ARMH4: variants seen among roughly 807,000 people sequenced by gnomAD.
The protein encoded by ARMH4 is armadillo-like helical domain-containing protein 4.
A neutral mutation model predicts 61.9 loss-of-function variants in ARMH4; 49 were observed. The ratio of observed to expected loss-of-function variants is 0.79; its 90% CI spans 0.63 to 1.00. The LOEUF is 1.00. ARMH4 is among the 50% of genes least tolerant of loss of function. The pLI is 0.00. For missense variants in ARMH4, 934 were observed against 930.0 expected (o/e 1.00, Z -0.06); for synonymous variants, 368 against 341.5 (o/e 1.08, Z -0.85).
At chr14:58,034,235 T>G (rs1883382212) in intron 5 of ARMH4, among the ~76,000 whole-genome samples, 1 of 130,094 alleles carries the variant, frequency 7.7e-6, no homozygotes, top group Non-Finnish European at 1.7e-5. Flanking sequence ...CAGAAGAGAG[T>G]GGGGGCCAAT....
chr14:58,040,362 T>A (rs1193232909), intron 5 of ARMH4, among the ~76,000 whole-genome samples: 2 of 152,170 alleles, frequency 1.3e-5, no homozygotes, highest in Non-Finnish European at 2.9e-5. Flanking sequence ...CCCCGCCATG[T>A]GTCCATGTGT....
At chr14:58,067,977 A>G (rs1884758225) in intron 5 of ARMH4, among the ~76,000 whole-genome samples, 1 of 152,174 alleles carries the variant, frequency 6.6e-6, no homozygotes. Context: ...GTGAATTCTA[A>G]TGGATGGTAT....
rs1212576970 is a variant in ARMH4 at position 58,012,140 on chromosome 14, C to T, written c.2100G>A (p.Trp700Ter). ...EQQNQGLVRS[W>*]MEKLKDKAGY... The stretch of plus-strand genomic sequence containing the variant: ...TTACCTTGTCTTTTAATTTTTCCAT[C>T]CAGCTTCTCACTAGGAAAAAAATAA... The change falls in exon 6 of 8, where the codon TGG (tryptophan) becomes TGA (stop). Residue 700 changes from tryptophan to a stop codon, truncating the protein, a stop_gained. Coordinates refer to ENST00000267485, the MANE Select transcript of ARMH4 (RefSeq NM_001001872.4). LOFTEE classifies it high-confidence loss of function. The T allele has an allele frequency of 6.8e-7, 1 of 1,460,138 alleles. No individual in the cohort carries two copies. The highest frequency in any genetic ancestry group is 1.2e-5 in the South Asian group (1 of 80,724). The allele number at this position is 1,460,138 out of a possible 1,614,324, so 90.4% of individuals were successfully genotyped here. A position where few individuals can be genotyped will look rare whatever the true frequency, so the allele number is the denominator to read the frequency against.
chr14:58,110,481 T>TATATATATTATATATA (rs1886320693), intron 4 of ARMH4, among the ~76,000 whole-genome samples: 1 of 152,140 alleles, frequency 6.6e-6, no homozygotes, highest in African/African-American at 2.4e-5. Flanking sequence ...GGTTAAAAAT[T>TATATATATTATATATA]TCCCATTATA....
intron 5 of ARMH4, among the ~76,000 whole-genome samples, chr14:58,096,380 A>C (rs1885748333): frequency 6.6e-6 from 1 of 152,210 alleles, no homozygotes; most frequent in Non-Finnish European, 1.5e-5. Context: ...GTCCTCCTAA[A>C]GCCTACAACT....
Position 58,061,977 on chromosome 14 carries a change from T to A in ARMH4, c.2089+34747A>T, listed in dbSNP as rs1371906273. On this transcript the variant is annotated intron_variant, in intron 5 of 7. Transcript: ENST00000267485. The stretch of plus-strand genomic sequence containing the variant: ...AGGTCAGATTTACCCATTTTATCTT[T>A]AAAAAAAAAAAAGCAAACAAAAACA... Among the ~76,000 whole-genome samples, 12 of 145,642 alleles carry A rather than the reference T, an allele frequency of 8.2e-5. No individual in the cohort carries two copies. The East Asian group carries it at 1.6e-3, about 19-fold the overall frequency.
Position 58,072,534 on chromosome 14 carries a change from C to T in ARMH4, c.2089+24190G>A, listed in dbSNP as rs532811977. On this transcript the variant is annotated intron_variant, in intron 5 of 7. Transcript: ENST00000267485. ...AGGAGTTCAAGACTAGCCTGGCCAACGTCGTGAAACCCCATCTCTACTAAC... is the reference window on the plus strand; with the variant it reads ...AGGAGTTCAAGACTAGCCTGGCCAATGTCGTGAAACCCCATCTCTACTAAC... Among the ~76,000 whole-genome samples, 32 of 152,042 alleles carry T rather than the reference C, an allele frequency of 2.1e-4. 1 individual carries two copies. In the South Asian group the frequency reaches 5.8e-3, roughly 28 times the overall value.
intron 4 of ARMH4, among the ~76,000 whole-genome samples, chr14:58,127,572 G>C (rs1886943006): frequency 6.6e-6 from 1 of 152,168 alleles, no homozygotes; most frequent in Non-Finnish European, 1.5e-5. Flanking sequence ...ATACAGGGTT[G>C]AGACAATATC....
intron 6 of ARMH4, 126 bp from the exon 7 acceptor site, chr14:58,005,308 T>C (rs1366884992): frequency 2.4e-6 from 3 of 1,230,194 alleles, no homozygotes; most frequent in African/African-American, 3.1e-5. Flanking sequence ...TGTTGTAAGA[T>C]AAAACTAAGC....
intron 5 of ARMH4, among the ~76,000 whole-genome samples, chr14:58,062,308 C>T (rs1884556606): frequency 6.6e-6 from 1 of 152,174 alleles, no homozygotes; most frequent in Non-Finnish European, 1.5e-5. Flanking sequence ...CACTGCACTC[C>T]AGCCTGAGTG....
chr14:58,005,792 G>A (rs1257989028), intron 6 of ARMH4, among the ~76,000 whole-genome samples: 1 of 152,176 alleles, frequency 6.6e-6, no homozygotes, highest in Non-Finnish European at 1.5e-5. Context: ...GTTAGATGTT[G>A]GAGCAAAGGC....
intron 5 of ARMH4, among the ~76,000 whole-genome samples, chr14:58,082,238 A>G (rs1885252041): frequency 1.3e-5 from 2 of 152,194 alleles, no homozygotes; most frequent in African/African-American, 4.8e-5. Context: ...CCTCAAATAC[A>G]GTCATCTTGG....
chr14:58,103,967 G>T (rs1234978339), intron 4 of ARMH4, among the ~76,000 whole-genome samples: 2 of 152,064 alleles, frequency 1.3e-5, no homozygotes, highest in Non-Finnish European at 2.9e-5. Context: ...ATAAAAAAAT[G>T]AAAGGAACCT....
chr14:58,143,835 G>T (rs1887646438), intron 1 of ARMH4, among the ~76,000 whole-genome samples: 1 of 143,290 alleles, frequency 7.0e-6, no homozygotes, highest in Non-Finnish European at 1.5e-5. Flanking sequence ...GTTTGATGGT[G>T]TGATCTCAGC....
chr14:58,103,778 T>C (rs1886080260), intron 4 of ARMH4, among the ~76,000 whole-genome samples: 1 of 152,090 alleles, frequency 6.6e-6, no homozygotes, highest in Non-Finnish European at 1.5e-5. Context: ...TGAAGCATTA[T>C]AAAATTAATT....
chr14:58,124,269 C>G (rs976310137), intron 4 of ARMH4, among the ~76,000 whole-genome samples: 1 of 152,172 alleles, frequency 6.6e-6, no homozygotes, highest in Non-Finnish European at 1.5e-5. Context: ...AGCTTGCCAA[C>G]AGAGCAAGAC....
chr14:58,039,030 G>C (rs1033718079), intron 5 of ARMH4, among the ~76,000 whole-genome samples: 1 of 152,188 alleles, frequency 6.6e-6, no homozygotes, highest in African/African-American at 2.4e-5. Context: ...CATTTGTGCA[G>C]TGTCCACGCT....
At chr14:58,063,141 G>A (rs915613234) in intron 5 of ARMH4, among the ~76,000 whole-genome samples, 2 of 152,032 alleles carry the variant, frequency 1.3e-5, no homozygotes, top group South Asian at 4.2e-4. Context: ...CCTTAGCTTC[G>A]GGGAACATAA....
intron 4 of ARMH4, among the ~76,000 whole-genome samples, chr14:58,125,764 G>T (rs954647655): frequency 6.6e-6 from 1 of 152,128 alleles, no homozygotes; most frequent in African/African-American, 2.4e-5. Context: ...CAGTTAGAAC[G>T]GTCGTCAGCC....
Sources: gnomAD v4.1 joint callset for allele counts (sites outside exome capture counted in the v4.1 genomes callset) on GRCh38, gnomAD v4.1.1 for gene constraint, MANE v1.5 for transcripts, NCBI Gene and HGNC (gene_info 2026-07-23, HGNC 2026-07-21) for gene names.